Variants in NFASC observed in about 807,000 individuals in gnomAD.
The protein encoded by NFASC is neurofascin, also known as neurofascin homolog.
NFASC carries 43 observed loss-of-function variants against 147.5 expected under a neutral mutation model. That is an observed-to-expected ratio of 0.29 (90% CI 0.23 to 0.38). NFASC has a LOEUF of 0.38. Ranked by LOEUF, NFASC falls within the 10% of genes least tolerant of loss-of-function variation. NFASC has a pLI of 1.00. For synonymous variants in NFASC, 622 were observed against 665.5 expected, an observed-to-expected ratio of 0.93 and a Z score of 1.01; for missense variants, 1,320 against 1,689.0, an observed-to-expected ratio of 0.78 and a Z score of 3.83.
chr1:204,843,171 G>A (rs1367360042), intron 1 of NFASC, among the ~76,000 whole-genome samples: 1 of 152,190 alleles, frequency 6.6e-6, no homozygotes, highest in Non-Finnish European at 1.5e-5. Flanking sequence ...CAGCAGGCTG[G>A]TGACATCATC....
Position 204,986,365 on chromosome 1 carries a change from G to A in NFASC, c.2471-1053G>A, listed in dbSNP as rs1015711555. ...GGTCTGCTGACATAATTCCAGACGG[G>A]TTATGCAGACTGATCCCCGAGGGCA... On this transcript the variant is annotated intron_variant, in intron 21 of 29. Transcript: ENST00000339876. The surrounding 1 kb of genome is among the most constrained non-coding windows in gnomAD (Gnocchi z 4.2). 6.6e-6 allele frequency among the ~76,000 whole-genome samples: 1 copy of A among 152,226 alleles called. No homozygotes were observed. Among genetic ancestry groups the A allele is most frequent in the African/African-American group, 2.4e-5 (1 of 41,456 alleles).
At chr1:204,883,642 A>G (rs779479524) in intron 1 of NFASC, among the ~76,000 whole-genome samples, 60 of 152,230 alleles carry the variant, frequency 3.9e-4, no homozygotes, top group Non-Finnish European at 7.9e-4. Flanking sequence ...CTGTCAAAGC[A>G]TGCCTGTAGC....
At chr1:204,943,468 G>T (rs1448452431) in intron 2 of NFASC, among the ~76,000 whole-genome samples, 1 of 152,136 alleles carries the variant, frequency 6.6e-6, no homozygotes, top group Non-Finnish European at 1.5e-5. Flanking sequence ...CCTGAAGCCC[G>T]CTTCTTCCTG....
chr1:204,849,942 G>C (rs2075525479), intron 1 of NFASC, among the ~76,000 whole-genome samples: 1 of 152,200 alleles, frequency 6.6e-6, no homozygotes, highest in Non-Finnish European at 1.5e-5. Context: ...AAAAAGCTGT[G>C]TCTGGCACTG....
At position 204,907,332 on chromosome 1, in the gene NFASC, C is replaced by G. The variant is rs775826658; in HGVS notation, c.-199-13300C>G. On this transcript the variant is annotated intron_variant, in intron 1 of 29. Transcript: ENST00000339876. The stretch of plus-strand genomic sequence containing the variant: ...GGTTGTTTGTTTTCTTACTATTCCA[C>G]TGAGAATTTTTAAATATATTATGAA... Among the ~76,000 whole-genome samples, 51 of 152,158 alleles carry G rather than the reference C, an allele frequency of 3.4e-4. 1 individual carries two copies. The highest frequency in any genetic ancestry group is 2.1e-4 in the South Asian group (1 of 4,820).
chr1:204,916,349 A>G (rs2089245905), intron 1 of NFASC, among the ~76,000 whole-genome samples: 2 of 152,202 alleles, frequency 1.3e-5, no homozygotes, highest in Admixed American at 1.3e-4. Flanking sequence ...CTAAAGTCCT[A>G]TGACTGGTGA....
chr1:204,839,612 A>T (rs1571897722), intron 1 of NFASC, among the ~76,000 whole-genome samples: 1 of 150,820 alleles, frequency 6.6e-6, no homozygotes, highest in Non-Finnish European at 1.5e-5. Flanking sequence ...ATGGTTGGTC[A>T]GGCAGCTTGC....
chr1:204,939,889 T>C (rs545053035), intron 2 of NFASC, among the ~76,000 whole-genome samples: 2 of 152,374 alleles, frequency 1.3e-5, no homozygotes, highest in African/African-American at 4.8e-5. Flanking sequence ...TTCTTTGAGC[T>C]CAGTACTAGA....
At chr1:205,004,759 C>T (rs1404947551) in intron 27 of NFASC, among the ~76,000 whole-genome samples, 2 of 130,296 alleles carry the variant, frequency 1.5e-5, no homozygotes, top group African/African-American at 4.9e-5. Context: ...GTCACTTAGA[C>T]AACCACAGGC....
intron 1 of NFASC, among the ~76,000 whole-genome samples, chr1:204,871,723 G>T (rs370927301): frequency 5.3e-5 from 8 of 152,156 alleles, no homozygotes; most frequent in African/African-American, 1.9e-4. Context: ...GCAGTTTCTG[G>T]GTCAGGAGAG....
intron 7 of NFASC, among the ~76,000 whole-genome samples, chr1:204,956,193 A>T (rs541944580): frequency 6.6e-6 from 1 of 152,318 alleles, no homozygotes; most frequent in South Asian, 2.1e-4. Flanking sequence ...TACAAGAATT[A>T]TCCATAACAG....
At chr1:204,925,153 C>T (rs752717518) in intron 2 of NFASC, among the ~76,000 whole-genome samples, 20 of 152,136 alleles carry the variant, frequency 1.3e-4, no homozygotes, top group African/African-American at 4.6e-4. Context: ...GGATTACAGG[C>T]GAAGAAAGGA....
intron 24 of NFASC, among the ~76,000 whole-genome samples, chr1:204,993,534 A>G (rs2841629): frequency 0.39 from 59,632 of 152,060 alleles, 12,312 homozygotes; most frequent in East Asian, 0.59. Flanking sequence ...CCTTGGCCGC[A>G]GCCAGGGTGC....
chr1:204,952,109 G>A lies in NFASC; in HGVS notation c.208G>A (p.Ala70Thr), dbSNP rs1449122177. The A allele has an allele frequency of 1.9e-5, 31 of 1,612,244 alleles. No individual in the cohort carries two copies. The highest frequency in any genetic ancestry group is 2.6e-5 in the Non-Finnish European group (31 of 1,178,428). The change falls in exon 5 of 30, where the codon GCC becomes ACC. Residue 70 changes from alanine to threonine, a missense_variant. Physicochemically the swap from Ala to Thr is moderately conservative, Grantham distance 58. Around this residue, in one of 3 missense-constraint regions of NFASC, gnomAD observed 981 missense variants for 1,289.5 expected, o/e 0.76. Transcript: ENST00000339876. ...TGAGTGTGAAGCAAAAGGGAACCCTGCCCCCAGGTGAGTGAAGGGGAAAAA... is the reference window on the plus strand; with the variant it reads ...TGAGTGTGAAGCAAAAGGGAACCCTACCCCCAGGTGAGTGAAGGGGAAAAA... ...LIECEAKGNPAPSFHWTRNSR... is the reference protein window; with the variant it reads ...LIECEAKGNPTPSFHWTRNSR...
chr1:204,909,632 ATTGT>A (rs1483738209), intron 1 of NFASC, among the ~76,000 whole-genome samples: 1 of 152,170 alleles, frequency 6.6e-6, no homozygotes, highest in African/African-American at 2.4e-5. Flanking sequence ...AGATCTAAGA[ATTGT>A]TTGTCTAGCT....
chr1:204,896,283 T>C (rs1037429948), intron 1 of NFASC, among the ~76,000 whole-genome samples: 3 of 152,202 alleles, frequency 2.0e-5, no homozygotes, highest in African/African-American at 7.2e-5. Flanking sequence ...AGACTGGCAT[T>C]TAGACGGGTC....
intron 2 of NFASC, among the ~76,000 whole-genome samples, chr1:204,935,518 T>C (rs1217757869): frequency 6.6e-6 from 1 of 152,122 alleles, no homozygotes; most frequent in East Asian, 1.9e-4. Flanking sequence ...CAGTTCTGAG[T>C]AGAAAGTGGC....
Position 204,987,318 on chromosome 1 carries a change from AG to A in NFASC, c.2471-99del. 1 of 1,177,210 alleles carries A rather than the reference AG, an allele frequency of 8.5e-7. No individual in the cohort carries two copies. Among genetic ancestry groups the A allele is most frequent in the Non-Finnish European group, 1.2e-6 (1 of 817,192 alleles). 72.9% of individuals were successfully genotyped at this position (1,177,210 alleles called of 1,614,324 possible). ...GCAGTGTCGAGCATGGGGGTTGTCCAGAGGTCAATGCCTTCATACTTGTGCT... is the reference window on the plus strand; with the variant it reads ...GCAGTGTCGAGCATGGGGGTTGTCCAAGGTCAATGCCTTCATACTTGTGCT... On this transcript the variant is annotated intron_variant, in intron 21 of 29. Coordinates refer to ENST00000339876, the MANE Select transcript of NFASC (RefSeq NM_001005388.3). This position sits in a 1 kb window ranked among gnomAD's most constrained non-coding sequence, Gnocchi z 4.4.
At chr1:204,866,762 T>G (rs937107190) in intron 1 of NFASC, among the ~76,000 whole-genome samples, 1 of 152,234 alleles carries the variant, frequency 6.6e-6, no homozygotes. Flanking sequence ...TTTTTCATCA[T>G]CTGGTAGAGG....
Sources: gnomAD v4.1 joint callset for allele counts (sites outside exome capture counted in the v4.1 genomes callset) on GRCh38, gnomAD v4.1.1 for gene constraint, gnomAD v4.1.1 regional missense constraint, Gnocchi (gnomAD v3.1) non-coding constraint, MANE v1.5 for transcripts, NCBI Gene and HGNC (gene_info 2026-07-23, HGNC 2026-07-21) for gene names.